BATF3: variants seen among roughly 807,000 people sequenced by gnomAD.
The protein encoded by BATF3 is basic leucine zipper transcriptional factor ATF-like 3.
BATF3 carries 8 observed loss-of-function variants against 16.1 expected under a neutral mutation model. The ratio of observed to expected loss-of-function variants is 0.50; its 90% confidence interval spans 0.29 to 0.90. BATF3 has a LOEUF of 0.90. Ranked by LOEUF, BATF3 falls within the 40% of genes least tolerant of loss-of-function variation. The probability of loss-of-function intolerance (pLI) is 0.08; values close to 1 mark genes in which losing one functional copy is unlikely to be tolerated. For missense variants in BATF3, 139 were observed against 167.0 expected, an observed-to-expected ratio of 0.83 and a Z score of 0.92; for synonymous variants, 74 against 72.7, an observed-to-expected ratio of 1.02 and a Z score of -0.09.
intron 1 of BATF3, 193 bp from the exon 2 acceptor site, chr1:212,697,258 T>C (rs1176738078): frequency 7.3e-6 from 4 of 546,790 alleles, no homozygotes; most frequent in Admixed American, 6.7e-5. Context: ...GTGTGAAGTG[T>C]GTGGTGTGAC....
chr1:212,690,483 TAAC>T (rs776594342), intron 2 of BATF3, among the ~76,000 whole-genome samples: 13 of 152,170 alleles, frequency 8.5e-5, no homozygotes, highest in Non-Finnish European at 1.5e-4. Context: ...GCTGAGGGAA[TAAC>T]AAGAAGAGAA....
At chr1:212,698,560 G>A (rs1657183847) in intron 1 of BATF3, 1 of 151,958 alleles carries the variant, frequency 6.6e-6, no homozygotes, top group African/African-American at 2.4e-5. Flanking sequence ...ATGCCCTCAA[G>A]AAGTTACCTG....
chr1:212,694,621 A>C (rs956667461), intron 2 of BATF3, among the ~76,000 whole-genome samples: 1 of 152,238 alleles, frequency 6.6e-6, no homozygotes, highest in African/African-American at 2.4e-5. Context: ...TGCCTTGGCC[A>C]TCCAGCAGCA....
intron 2 of BATF3, among the ~76,000 whole-genome samples, chr1:212,696,420 T>C (rs1388537727): frequency 8.1e-6 from 1 of 123,534 alleles, no homozygotes; most frequent in Non-Finnish European, 1.8e-5. Context: ...GCAGTTTCTG[T>C]AGGGTGTGTG....
rs1380525785 is a variant in BATF3 at position 212,686,997 on chromosome 1, G to C, written c.196-18C>G. The C allele has an allele frequency of 6.7e-7, 1 of 1,496,256 alleles. No individual in the cohort carries two copies. Among genetic ancestry groups the C allele is most frequent in the East Asian group, 2.3e-5 (1 of 44,270 alleles). 92.7% of individuals were successfully genotyped at this position (1,496,256 alleles called of 1,614,324 possible). Reference sequence around the variant, plus strand: ...TCATATTCCTGGGGGAGACAGAATGGGCAAAATCATTTCTGGTGCAGCGTT... The same window carrying C: ...TCATATTCCTGGGGGAGACAGAATGCGCAAAATCATTTCTGGTGCAGCGTT... On this transcript the variant is annotated intron_variant, in intron 2 of 2. Coordinates refer to ENST00000243440, the MANE Select transcript of BATF3 (RefSeq NM_018664.3).
intron 1 of BATF3, chr1:212,698,456 T>C (rs1657181753): frequency 6.6e-6 from 1 of 152,148 alleles, no homozygotes; most frequent in Non-Finnish European, 1.5e-5. Context: ...AAACAAAGGG[T>C]CAGTGAACTC....
intron 2 of BATF3, among the ~76,000 whole-genome samples, chr1:212,691,568 A>G (rs1248977594): frequency 3.3e-5 from 5 of 152,236 alleles, no homozygotes; most frequent in African/African-American, 7.2e-5. Flanking sequence ...GGCTGTACAA[A>G]TGAGTGCCAC....
intron 2 of BATF3, among the ~76,000 whole-genome samples, chr1:212,695,587 G>A (rs559607635): frequency 6.6e-6 from 1 of 151,180 alleles, no homozygotes; most frequent in African/African-American, 2.4e-5. Context: ...AGGCTGCAGC[G>A]AGCCATGATC....
At chr1:212,696,657 C>A (rs1022250582) in intron 2 of BATF3, among the ~76,000 whole-genome samples, 13 of 151,894 alleles carry the variant, frequency 8.6e-5, no homozygotes, top group African/African-American at 3.1e-4. Context: ...CAAAACAAAA[C>A]AGGAAGTAAG....
chr1:212,690,939 G>C (rs1358626190), intron 2 of BATF3, among the ~76,000 whole-genome samples: 1 of 152,260 alleles, frequency 6.6e-6, no homozygotes, highest in African/African-American at 2.4e-5. Flanking sequence ...TATGGAGACA[G>C]TTTGGGTTAT....
rs538732177 is a variant in BATF3 at position 212,689,416 on chromosome 1, C to G, written c.196-2437G>C. On this transcript the variant is annotated intron_variant, in intron 2 of 2. Coordinates refer to ENST00000243440, the MANE Select transcript of BATF3 (RefSeq NM_018664.3). The surrounding 1 kb of genome is among the most constrained non-coding windows in gnomAD (Gnocchi z 4.6). ...TTCCCAGGGTGGTCTGGAGCACTCT[C>G]CAGGGCAGCAAGCTGTTCTGGGGCC... 2.9e-4 allele frequency among the ~76,000 whole-genome samples: 44 copies of G among 152,298 alleles called. No homozygotes were observed. The highest frequency in any genetic ancestry group is 9.9e-4 in the African/African-American group (41 of 41,570).
intron 2 of BATF3, chr1:212,687,439 C>G (rs1285881241): frequency 6.0e-6 from 1 of 167,004 alleles, no homozygotes; most frequent in Admixed American, 5.6e-5. Context: ...GAAAACATCC[C>G]TTGCCTTGGC....
In BATF3 at chr1:212,686,821, C is replaced by A; in HGVS notation, c.354G>T (p.Pro118=). ...PMNFVPVPPR[P]DPVAGCLPR The stretch of plus-strand genomic sequence containing the variant: ...GGGGCAAGCAGCCGGCCACAGGGTC[C>A]GGCCGGGGAGGCACTGGCACAAAGT... The change falls in exon 3 of 3, where the codon CCG becomes CCT. Residue 118 remains proline, a synonymous_variant. Transcript: ENST00000243440. 1 of 1,613,248 alleles carries A rather than the reference C, an allele frequency of 6.2e-7. No individual in the cohort carries two copies. The highest frequency in any genetic ancestry group is 8.5e-7 in the Non-Finnish European group (1 of 1,179,494).
chr1:212,691,418 A>G (rs1656996476), intron 2 of BATF3, among the ~76,000 whole-genome samples: 1 of 152,208 alleles, frequency 6.6e-6, no homozygotes, highest in Non-Finnish European at 1.5e-5. Context: ...TTCTGCTTTT[A>G]GTTAGCAGTG....
chr1:212,695,274 C>T (rs1053354402), intron 2 of BATF3, among the ~76,000 whole-genome samples: 1 of 152,050 alleles, frequency 6.6e-6, no homozygotes, highest in Non-Finnish European at 1.5e-5. Flanking sequence ...GCGGGTGAAT[C>T]ACGAGGTGAG....
intron 2 of BATF3, among the ~76,000 whole-genome samples, chr1:212,689,000 TTCC>T (rs1656929978): frequency 6.6e-6 from 1 of 152,190 alleles, no homozygotes; most frequent in Non-Finnish European, 1.5e-5. Flanking sequence ...CTGGACTGCC[TTCC>T]TCCTTTTCTG....
At chr1:212,698,003 A>G (rs949443027) in intron 1 of BATF3, 1 of 152,244 alleles carries the variant, frequency 6.6e-6, no homozygotes, top group Non-Finnish European at 1.5e-5. Flanking sequence ...ACAAAAAAGG[A>G]TATTTTCAGT....
intron 2 of BATF3, 100 bp from the exon 3 acceptor site, chr1:212,687,079 C>T (rs951152356): frequency 2.6e-6 from 2 of 758,618 alleles, no homozygotes; most frequent in African/African-American, 3.4e-5. Context: ...AAAGCTGTCT[C>T]ATTACGCATG....
At chr1:212,693,789 G>A (rs951265152) in intron 2 of BATF3, among the ~76,000 whole-genome samples, 1 of 152,188 alleles carries the variant, frequency 6.6e-6, no homozygotes. Flanking sequence ...GAGAGCCAAC[G>A]CTTCATACAG....
Sources: gnomAD v4.1 joint callset for allele counts (sites outside exome capture counted in the v4.1 genomes callset) on GRCh38, gnomAD v4.1.1 for gene constraint, Gnocchi (gnomAD v3.1) non-coding constraint, MANE v1.5 for transcripts, NCBI Gene and HGNC (gene_info 2026-07-23, HGNC 2026-07-21) for gene names.